Variants in ZFPM1 observed in about 807,000 individuals in gnomAD.
ZFPM1 encodes zinc finger protein ZFPM1.
Under a neutral mutation model 46.3 loss-of-function variants are expected in ZFPM1, and 28 were observed. The ratio of observed to expected loss-of-function variants is 0.60; its 90% confidence interval spans 0.45 to 0.83. The LOEUF (loss-of-function observed/expected upper bound fraction) is 0.83, where lower values mean the gene tolerates loss of function less well. ZFPM1 is among the 40% of genes least tolerant of loss of function. ZFPM1 has a pLI of 0.00. For synonymous variants in ZFPM1, 957 were observed against 675.9 expected (o/e 1.42, Z -6.45); for missense variants, 1,878 against 1,432.4 (o/e 1.31, Z -5.02).
chr16:88,513,270 C>T (rs1365489615), intron 3 of ZFPM1: 1 of 152,278 alleles, frequency 6.6e-6, no homozygotes, highest in African/African-American at 2.4e-5. Context: ...CCTCCTCGGC[C>T]TCTCGGTCCT....
At chr16:88,525,006 C>G (rs543579158) in intron 4 of ZFPM1, among the ~76,000 whole-genome samples, 9 of 152,344 alleles carry the variant, frequency 5.9e-5, no homozygotes, top group African/African-American at 1.7e-4. Flanking sequence ...TGGTAGCAGG[C>G]AGGTGACGTG....
rs1912889710 is a variant in ZFPM1 at position 88,532,715 on chromosome 16, C to T, written c.1042+6C>T. On this transcript the variant is annotated splice_donor_region_variant and intron_variant, in intron 8 of 9. Coordinates refer to ENST00000319555, the MANE Select transcript of ZFPM1 (RefSeq NM_153813.3). ...GCACACGGACACGCTGAGCGGTAGG[C>T]ACCGCAGGGGCCGGGGGGTGTGTGG... is the stretch of plus-strand genomic sequence containing the variant. 3 of 1,612,084 alleles carry T rather than the reference C, an allele frequency of 1.9e-6. No homozygotes were observed. Among genetic ancestry groups the T allele is most frequent in the Non-Finnish European group, 2.5e-6 (3 of 1,179,416 alleles).
Position 88,526,868 on chromosome 16 carries a change from C to T in ZFPM1, c.457C>T (p.Pro153Ser), listed in dbSNP as rs765385000. The T allele has an allele frequency of 4.4e-6, 7 of 1,579,822 alleles. No homozygotes were observed. In the African/African-American group the frequency reaches 9.4e-5, roughly 21 times the overall value. Residue 153 changes from proline (P) to serine (S), a missense_variant, in exon 5 of 10, where the codon CCC (proline) becomes TCC (serine). Transcript: ENST00000319555. ...CGAGGCCTGCTGGCTGAGGACGCTG[C>T]CCCAGGCCCTGACTGAGGCCGAGGC... ...VDEACWLRTLPQALTEAEANT... is the reference protein window; with the variant it reads ...VDEACWLRTLSQALTEAEANT...
At position 88,534,320 on chromosome 16, in the gene ZFPM1, G is replaced by A. The variant is rs752986582; in HGVS notation, c.2362G>A (p.Gly788Ser). The change falls in exon 10 of 10, where the codon GGC becomes AGC. Residue 788 changes from glycine (G) to serine (S), a missense_variant. Physicochemically the swap from Gly to Ser is moderately conservative, Grantham distance 56. Transcript: ENST00000319555. ...GPGLAPARSP[G>S]PAADGPIDLS... ...CGGCCTCGCCCCTGCGCGCTCGCCC[G>A]GCCCCGCGGCCGACGGCCCCATCGA... is the stretch of plus-strand genomic sequence containing the variant. 5.7e-5 allele frequency: 76 copies of A among 1,326,274 alleles called. No homozygotes were observed. Among genetic ancestry groups the A allele is most frequent in the Non-Finnish European group, 6.9e-5 (72 of 1,040,248 alleles). The allele number at this position is 1,326,274 out of a possible 1,614,324, so 82.2% of individuals were successfully genotyped here.
chr16:88,518,228 G>T (rs1381163596), intron 4 of ZFPM1, among the ~76,000 whole-genome samples: 1 of 152,000 alleles, frequency 6.6e-6, no homozygotes, highest in African/African-American at 2.4e-5. Context: ...ATGAGTGGGT[G>T]AATGCGTAGA....
intron 3 of ZFPM1, among the ~76,000 whole-genome samples, chr16:88,507,901 C>G (rs72807412): frequency 0.074 from 11,221 of 152,220 alleles, 449 homozygotes; most frequent in South Asian, 0.12. Context: ...CGGGGGCCTC[C>G]AGCAGCCACT....
rs1334493533 is a variant in ZFPM1, at chr16:88,533,900, G to C, written c.1942G>C (p.Ala648Pro). 9.2e-7 allele frequency: 1 copy of C among 1,081,992 alleles called. No individual in the cohort carries two copies. Among genetic ancestry groups the C allele is most frequent in the Non-Finnish European group, 1.1e-6 (1 of 887,746 alleles). 67.0% of individuals were successfully genotyped at this position (1,081,992 alleles called of 1,614,324 possible). A position where few individuals can be genotyped will look rare whatever the true frequency, so the allele number is the denominator to read the frequency against. ...SPGPGAREEGAGGAATPEDGA... is the reference protein window; with the variant it reads ...SPGPGAREEGPGGAATPEDGA... ...GGGCCCCGGAGCGCGCGAGGAGGGG[G>C]CTGGGGGCGCGGCCACGCCCGAGGA... The change falls in exon 10 of 10, where the codon GCT becomes CCT. Residue 648 changes from alanine to proline, a missense_variant. Transcript: ENST00000319555.
At chr16:88,519,151 T>TG (rs1410726613) in intron 4 of ZFPM1, among the ~76,000 whole-genome samples, 1 of 97,374 alleles carries the variant, frequency 1.0e-5, no homozygotes, top group South Asian at 3.6e-4. Context: ...GATGGATGGA[T>TG]GATGGGTGGA....
At chr16:88,494,761 G>A (rs1167072937) in intron 3 of ZFPM1, among the ~76,000 whole-genome samples, 1 of 152,074 alleles carries the variant, frequency 6.6e-6, no homozygotes, top group Non-Finnish European at 1.5e-5. Flanking sequence ...TGAGGCAGCA[G>A]GAGGAGCCGG....
In ZFPM1 at chr16:88,485,930, T is replaced by A; in HGVS notation, c.41-9T>A. On this transcript the variant is annotated splice_polypyrimidine_tract_variant and intron_variant, in intron 1 of 9. Transcript: ENST00000319555. ...CTCCTCCCGAACCCCCATCGTCTTG[T>A]GTCCACAGGTTCCCTCGGAGACATG... 1 of 1,612,562 alleles carries A rather than the reference T, an allele frequency of 6.2e-7. No homozygotes were observed. The highest frequency in any genetic ancestry group is 8.5e-7 in the Non-Finnish European group (1 of 1,179,644).
At chr16:88,474,236 G>C (rs1165576089) in intron 1 of ZFPM1, among the ~76,000 whole-genome samples, 1 of 152,170 alleles carries the variant, frequency 6.6e-6, no homozygotes, top group Non-Finnish European at 1.5e-5. Flanking sequence ...CCGGGCCACT[G>C]CCCCTGGGGA....
At position 88,533,135 on chromosome 16, in the gene ZFPM1, G is replaced by A. The variant is rs747054205; in HGVS notation, c.1190-13G>A. 2.1e-6 allele frequency: 3 copies of A among 1,446,170 alleles called. No homozygotes were observed. In the Admixed American group the frequency reaches 7.4e-5, roughly 36 times the overall value. 89.6% of individuals were successfully genotyped at this position (1,446,170 alleles called of 1,614,324 possible). On this transcript the variant is annotated splice_polypyrimidine_tract_variant and intron_variant, in intron 9 of 9. Coordinates refer to ENST00000319555, the MANE Select transcript of ZFPM1 (RefSeq NM_153813.3). ...CCCAGGCCTGAGGTGCCACCCCTGC[G>A]ATCTCTCTGCAGACAGTCTGGGCAG... is the stretch of plus-strand genomic sequence containing the variant.
chr16:88,476,951 G>A (rs59134949), intron 1 of ZFPM1, among the ~76,000 whole-genome samples: 441 of 152,374 alleles, frequency 2.9e-3, no homozygotes, highest in African/African-American at 0.01. Flanking sequence ...CAGTGCTTAC[G>A]CTAGACACAC....
At chr16:88,502,203 G>C (rs889059365) in intron 3 of ZFPM1, among the ~76,000 whole-genome samples, 2 of 152,064 alleles carry the variant, frequency 1.3e-5, no homozygotes, top group African/African-American at 4.8e-5. Context: ...TCGGTCCCCG[G>C]AGATGGGACA....
rs1908899454 is a variant in ZFPM1, at chr16:88,480,802, G to A, written c.41-5137G>A. Reference sequence around the variant, plus strand: ...CGCCCCACCTGGCATGTCCACCCTGGGGCCCACAGTCTGGGGGATGCCCCC... The same window carrying A: ...CGCCCCACCTGGCATGTCCACCCTGAGGCCCACAGTCTGGGGGATGCCCCC... On this transcript the variant is annotated intron_variant, in intron 1 of 9. Transcript: ENST00000319555. The surrounding 1 kb of genome is among the most constrained non-coding windows in gnomAD (Gnocchi z 4.9). Among the ~76,000 whole-genome samples, 1 of 152,208 alleles carries A rather than the reference G, an allele frequency of 6.6e-6. No individual in the cohort carries two copies. The highest frequency in any genetic ancestry group is 1.5e-5 in the Non-Finnish European group (1 of 68,030).
At chr16:88,472,724 C>G (rs1908484107) in intron 1 of ZFPM1, among the ~76,000 whole-genome samples, 1 of 152,248 alleles carries the variant, frequency 6.6e-6, no homozygotes, top group African/African-American at 2.4e-5. Flanking sequence ...GTGTACAGCT[C>G]AGGACACAAG....
chr16:88,506,104 G>T (rs1910642996), intron 3 of ZFPM1, among the ~76,000 whole-genome samples: 1 of 152,182 alleles, frequency 6.6e-6, no homozygotes, highest in South Asian at 2.1e-4. Context: ...TGGCCTCCAG[G>T]GTGCTCTGAG....
At chr16:88,516,276 G>A (rs913024728) in intron 4 of ZFPM1, 7 of 398,228 alleles carry the variant, frequency 1.8e-5, no homozygotes, top group South Asian at 1.3e-4. Context: ...TCATCCCCAC[G>A]GGCTGCCCTT....
At chr16:88,482,050 C>G (rs890893959) in intron 1 of ZFPM1, among the ~76,000 whole-genome samples, 1 of 152,230 alleles carries the variant, frequency 6.6e-6, no homozygotes, top group African/African-American at 2.4e-5. Context: ...GGTCACACAG[C>G]AAGGACGCAG....
Sources: allele counts gnomAD v4.1 joint callset (sites outside exome capture counted in the v4.1 genomes callset), GRCh38; gene constraint gnomAD v4.1.1; non-coding constraint Gnocchi (gnomAD v3.1); transcripts MANE v1.5; gene names NCBI Gene and HGNC (gene_info 2026-07-23, HGNC 2026-07-21).